KIF1B: variants seen among roughly 807,000 people sequenced by gnomAD.
KIF1B encodes kinesin family member 1B, also known as kinesin-like protein KIF1B.
KIF1B carries 76 observed loss-of-function variants against 241.9 expected under a neutral mutation model. That is an observed-to-expected ratio of 0.31 (90% CI 0.26 to 0.38). The LOEUF is 0.38. Ranked by LOEUF, KIF1B falls within the 10% of genes least tolerant of loss-of-function variation. KIF1B has a pLI of 1.00. For synonymous variants in KIF1B, 750 were observed against 796.7 expected, an observed-to-expected ratio of 0.94 and a Z score of 0.99; for missense variants, 1,622 against 2,271.4, an observed-to-expected ratio of 0.71 and a Z score of 5.81.
Position 10,380,892 on chromosome 1 carries a change from C to T in KIF1B, c.*4305C>T, listed in dbSNP as rs1639005385. ...GTGCTTCCTTAGTAAATTGAAATAT[C>T]AGCTGAGAGATTATTTGCTGCTGTT... On this transcript the variant is annotated 3_prime_UTR_variant, in exon 49 of 49. Transcript: ENST00000676179. The T allele has an allele frequency of 4.6e-6, 1 of 219,058 alleles. No homozygotes were observed. The highest frequency in any genetic ancestry group is 9.2e-6 in the Non-Finnish European group (1 of 108,960). The allele number at this position is 219,058 out of a possible 1,614,324, so 13.6% of individuals were successfully genotyped here.
intron 38 of KIF1B, among the ~76,000 whole-genome samples, chr1:10,357,561 C>T (rs1350704455): frequency 1.3e-5 from 2 of 151,654 alleles, no homozygotes; most frequent in African/African-American, 4.9e-5. Context: ...TAGAACTTGT[C>T]TCTAAAGAAA....
Position 10,374,368 on chromosome 1 carries a change from T to G in KIF1B, c.4999T>G (p.Phe1667Val), listed in dbSNP as rs985319077. 1.2e-6 allele frequency: 2 copies of G among 1,614,148 alleles called. No individual in the cohort carries two copies. Among genetic ancestry groups the G allele is most frequent in the Admixed American group, 3.3e-5 (2 of 60,020 alleles). The stretch of plus-strand genomic sequence containing the variant: ...TAGTCCCTGCCCAGAATTTGAACAG[T>G]TTCAGATTGTCCCAGCTGTGGAAAC... Reference protein sequence around the residue: ...ASSPCPEFEQFQIVPAVETPY... With the variant: ...ASSPCPEFEQVQIVPAVETPY... Residue 1667 changes from phenylalanine (F) to valine (V), a missense_variant, in exon 46 of 49, where the codon TTT becomes GTT. Transcript: ENST00000676179. The surrounding 1 kb of genome is among the most constrained non-coding windows in gnomAD (Gnocchi z 4.3).
intron 40 of KIF1B, among the ~76,000 whole-genome samples, 182 bp downstream of exon 40, chr1:10,362,007 C>T (rs554084632): frequency 3.3e-5 from 5 of 152,052 alleles, no homozygotes; most frequent in East Asian, 1.9e-4. Flanking sequence ...GATGGATGGA[C>T]GAGTTATGAG....
Position 10,337,477 on chromosome 1 carries a change from A to G in KIF1B, c.3366A>G (p.Thr1122=). ...GCAGTGCCTTCACTTTCCGAGTAAC[A>G]GTGTTGCAGGCCAGTGGAATCCTCC... is the stretch of plus-strand genomic sequence containing the variant. ...KLGSAFTFRV[T]VLQASGILPE... The change falls in exon 31 of 49, where the codon ACA becomes ACG. Residue 1122 remains threonine (T), a synonymous_variant. Transcript: ENST00000676179. This position sits in a 1 kb window ranked among gnomAD's most constrained non-coding sequence, Gnocchi z 4.0. The G allele has an allele frequency of 6.2e-7, 1 of 1,614,154 alleles. No homozygotes were observed. Among genetic ancestry groups the G allele is most frequent in the Non-Finnish European group, 8.5e-7 (1 of 1,180,026 alleles).
intron 38 of KIF1B, among the ~76,000 whole-genome samples, chr1:10,360,684 CAAAAA>C (rs754892826): frequency 3.1e-5 from 2 of 64,504 alleles, no homozygotes; most frequent in Non-Finnish European, 6.4e-5. Context: ...AATTCTGTCT[CAAAAA>C]AAAAAAAAAA....
chr1:10,250,341 CT>C (rs36075139), intron 2 of KIF1B, among the ~76,000 whole-genome samples: 161 of 142,946 alleles, frequency 1.1e-3, no homozygotes, highest in Middle Eastern at 3.5e-3. Flanking sequence ...TATTTCTTAA[CT>C]TTTTTTTTTT....
intron 4 of KIF1B, among the ~76,000 whole-genome samples, chr1:10,261,648 G>A (rs1305133179): frequency 6.6e-6 from 1 of 152,150 alleles, no homozygotes; most frequent in Non-Finnish European, 1.5e-5. Flanking sequence ...GATATCACTA[G>A]GTGACAGGAA....
At chr1:10,334,737 T>TCCCCACA in intron 28 of KIF1B, 99 bp downstream of exon 28, 1 of 904,752 alleles carries the variant, frequency 1.1e-6, no homozygotes, top group African/African-American at 1.6e-5. Flanking sequence ...ACATACAAAC[T>TCCCCACA]GTGGGGAGTT....
chr1:10,381,453 T>C lies in KIF1B; in HGVS notation c.*4866T>C, dbSNP rs1454677309. The C allele has an allele frequency of 1.9e-5, 4 of 208,376 alleles. No homozygotes were observed. Among genetic ancestry groups the C allele is most frequent in the Non-Finnish European group, 3.9e-5 (4 of 102,146 alleles). The allele number at this position is 208,376 out of a possible 1,614,324, so 12.9% of individuals were successfully genotyped here. ...AGCTTGAGTATACAGACTGTAAATA[T>C]AGTTCTTGTATTTGTACTAATTCTG... On this transcript the variant is annotated 3_prime_UTR_variant, in exon 49 of 49. Transcript: ENST00000676179.
chr1:10,218,481 T>C (rs1571083880), intron 1 of KIF1B, among the ~76,000 whole-genome samples: 1 of 151,840 alleles, frequency 6.6e-6, no homozygotes. Flanking sequence ...AGTGCAGTGG[T>C]GTGACCTTGG....
intron 3 of KIF1B, among the ~76,000 whole-genome samples, chr1:10,256,705 T>TAA (rs1257990942): frequency 1.1e-4 from 16 of 149,028 alleles, no homozygotes; most frequent in Admixed American, 1.3e-4. Flanking sequence ...ATAATAATAA[T>TAA]TATTATTATT....
intron 22 of KIF1B, among the ~76,000 whole-genome samples, chr1:10,309,036 C>T (rs1330680029): frequency 6.6e-6 from 1 of 152,104 alleles, no homozygotes; most frequent in Non-Finnish European, 1.5e-5. Flanking sequence ...TTTCTTTCTC[C>T]TTTAACCTCT....
At chr1:10,247,576 C>T (rs1647243868) in intron 2 of KIF1B, among the ~76,000 whole-genome samples, 1 of 152,180 alleles carries the variant, frequency 6.6e-6, no homozygotes. Context: ...ATATTTTGTA[C>T]ATTTACTTTA....
intron 1 of KIF1B, among the ~76,000 whole-genome samples, chr1:10,215,170 A>ATTT (rs1437007597): frequency 1.8e-4 from 9 of 50,248 alleles, no homozygotes; most frequent in African/African-American, 4.4e-4. Context: ...ATATATATAT[A>ATTT]TATTTTTTTT....
chr1:10,347,431 T>G (rs1224063077), intron 35 of KIF1B, among the ~76,000 whole-genome samples: 1 of 152,232 alleles, frequency 6.6e-6, no homozygotes, highest in East Asian at 1.9e-4. Context: ...AATTGCTTTC[T>G]GAATCTTAAA....
intron 15 of KIF1B, among the ~76,000 whole-genome samples, chr1:10,288,652 T>G (rs1649830578): frequency 6.6e-6 from 1 of 152,212 alleles, no homozygotes; most frequent in Admixed American, 6.5e-5. Flanking sequence ...GGTTCCTTCT[T>G]TAATCTGTTT....
Position 10,303,179 on chromosome 1 carries a change from G to A in KIF1B, c.2115+5933G>A, listed in dbSNP as rs1650626937. The A allele has an allele frequency of 1.2e-6, 2 of 1,613,314 alleles. No individual in the cohort carries two copies. Among genetic ancestry groups the A allele is most frequent in the Non-Finnish European group, 1.7e-6 (2 of 1,179,646 alleles). The stretch of plus-strand genomic sequence containing the variant: ...TTTCCAAAGGACGCGGATTCTGATA[G>A]CGGGGACGATTCTGACAAGAGGTCG... On this transcript the variant is annotated intron_variant, in intron 22 of 48. Transcript: ENST00000676179. The surrounding 1 kb of genome is among the most constrained non-coding windows in gnomAD (Gnocchi z 5.2).
chr1:10,266,707 C>T (rs1234659083), intron 5 of KIF1B, among the ~76,000 whole-genome samples: 2 of 152,108 alleles, frequency 1.3e-5, no homozygotes, highest in African/African-American at 4.8e-5. Flanking sequence ...AATGCAAATC[C>T]CAGTTACTGA....
chr1:10,296,946 G>T lies in KIF1B; in HGVS notation c.1911G>T (p.Pro637=), dbSNP rs138876135. 1.9e-6 allele frequency: 3 copies of T among 1,613,968 alleles called. No individual in the cohort carries two copies. Among genetic ancestry groups the T allele is most frequent in the Non-Finnish European group, 2.5e-6 (3 of 1,179,976 alleles). ...ACCATGTTTTCCGCTTTAACCACCC[G>T]GAACAAGCACGAGCTGAGCGAGAGA... ...GKNHVFRFNH[P]EQARAEREKT... The change falls in exon 21 of 49, where the codon CCG becomes CCT. Residue 637 remains proline, a synonymous_variant. Transcript: ENST00000676179.
Sources: allele counts gnomAD v4.1 joint callset (sites outside exome capture counted in the v4.1 genomes callset), GRCh38; gene constraint gnomAD v4.1.1; non-coding constraint Gnocchi (gnomAD v3.1); transcripts MANE v1.5; gene names NCBI Gene and HGNC (gene_info 2026-07-23, HGNC 2026-07-21).